Variants in COX14 observed in about 807,000 individuals in gnomAD.
COX14 encodes the protein cytochrome c oxidase assembly factor COX14.
In COX14, 3 loss-of-function variants were observed where a neutral mutation model predicts 5.8. The ratio of observed to expected loss-of-function variants is 0.51; its 90% CI spans 0.23 to 1.33. COX14 has a LOEUF of 1.33. COX14 is among the 40% of genes most tolerant of loss of function. The probability of loss-of-function intolerance (pLI) is 0.18; values close to 1 mark genes in which losing one functional copy is unlikely to be tolerated. For synonymous variants in COX14, 25 were observed against 26.1 expected (o/e 0.96, Z 0.13); for missense variants, 72 against 72.1 (o/e 1.00, Z 0.01).
At chr12:50,118,584 G>A (rs1592311472) in intron 1 of COX14, 2 of 203,558 alleles carry the variant, frequency 9.8e-6, no homozygotes, top group Non-Finnish European at 1.7e-5. Context: ...TGGCTAACAC[G>A]GTGAAACCCC....
chr12:50,120,407 A>C lies in COX14; in HGVS notation c.*190A>C. Reference sequence around the variant, plus strand: ...TGGAGGCTTTTGAATCGTAATAGCAATGTGAGGGTGAGGTACACCTACAGA... The same window carrying C: ...TGGAGGCTTTTGAATCGTAATAGCACTGTGAGGGTGAGGTACACCTACAGA... On this transcript the variant is annotated 3_prime_UTR_variant, in exon 2 of 2. Coordinates refer to ENST00000550487, the MANE Select transcript of COX14 (RefSeq NM_032901.4). 1 of 574,058 alleles carries C rather than the reference A, an allele frequency of 1.7e-6. No homozygotes were observed. Among genetic ancestry groups the C allele is most frequent in the South Asian group, 2.3e-5 (1 of 42,640 alleles). The allele number at this position is 574,058 out of a possible 1,614,324, so 35.6% of individuals were successfully genotyped here.
At chr12:50,115,217 ATT>A (rs879659328) in intron 1 of COX14, among the ~76,000 whole-genome samples, 6 of 132,138 alleles carry the variant, frequency 4.5e-5, no homozygotes, top group Admixed American at 1.5e-4. Context: ...GAGCATCTTA[ATT>A]TTTTTTTTTT....
chr12:50,119,899 C>T (rs991850842), intron 1 of COX14, 137 bp from the exon 2 acceptor site: 1 of 676,074 alleles, frequency 1.5e-6, no homozygotes, highest in Non-Finnish European at 2.6e-6. Context: ...GAGACTTTAC[C>T]TAGACATAGG....
At chr12:50,118,023 G>A (rs1015598881) in intron 1 of COX14, among the ~76,000 whole-genome samples, 1 of 148,870 alleles carries the variant, frequency 6.7e-6, no homozygotes, top group African/African-American at 2.5e-5. Context: ...GATTACAGGC[G>A]TGAGCCACCA....
intron 1 of COX14, chr12:50,112,567 C>T (rs1324369438): frequency 8.4e-6 from 6 of 716,708 alleles, no homozygotes; most frequent in East Asian, 2.6e-4. Flanking sequence ...CGACCCTCCA[C>T]GCTCCAACTC....
Position 50,120,182 on chromosome 12 carries a change from G to A in COX14, c.139G>A (p.Ala47Thr). 3.1e-6 allele frequency: 5 copies of A among 1,614,178 alleles called. No homozygotes were observed. The highest frequency in any genetic ancestry group is 1.1e-5 in the South Asian group (1 of 91,078). ...CCAGTGGCGCAGGGCCCAGCGCCAG[G>A]CCGCAGAAGAACAGAAGACCTCAGG... Reference protein sequence around the residue: ...YFQWRRAQRQAAEEQKTSGIM With the variant: ...YFQWRRAQRQTAEEQKTSGIM Residue 47 changes from alanine (A) to threonine (T), a missense_variant, in exon 2 of 2, where the codon GCC (alanine) becomes ACC (threonine). Ala to Thr is a moderately conservative substitution (Grantham distance 58). Transcript: ENST00000550487.
intron 1 of COX14, among the ~76,000 whole-genome samples, chr12:50,117,613 C>T (rs1400405177): frequency 1.4e-5 from 2 of 146,280 alleles, no homozygotes; most frequent in Non-Finnish European, 3.0e-5. Context: ...GTGTCTCACT[C>T]TGTTGCCCAG....
intron 1 of COX14, among the ~76,000 whole-genome samples, chr12:50,119,276 C>T: frequency 6.6e-6 from 1 of 152,194 alleles, no homozygotes; most frequent in Non-Finnish European, 1.5e-5. Flanking sequence ...TGGATATTGC[C>T]TGAAAGGTTC....
chr12:50,114,409 G>A (rs1414675602), intron 1 of COX14, among the ~76,000 whole-genome samples: 2 of 151,642 alleles, frequency 1.3e-5, no homozygotes, highest in African/African-American at 2.4e-5. Context: ...GCCACCCCAC[G>A]CCTGGCTAAT....
intron 1 of COX14, among the ~76,000 whole-genome samples, chr12:50,114,038 G>A (rs1392429764): frequency 2.6e-5 from 4 of 151,552 alleles, no homozygotes; most frequent in African/African-American, 9.7e-5. Context: ...CGTTGGCTCA[G>A]GCAAGCCTCC....
intron 1 of COX14, among the ~76,000 whole-genome samples, chr12:50,116,236 G>T (rs1951079894): frequency 1.3e-5 from 2 of 151,978 alleles, no homozygotes; most frequent in Admixed American, 1.3e-4. Context: ...GGGGCTACAG[G>T]CATCCGCCAC....
At chr12:50,118,970 C>G (rs1475096500) in intron 1 of COX14, among the ~76,000 whole-genome samples, 5 of 152,124 alleles carry the variant, frequency 3.3e-5, no homozygotes, top group African/African-American at 4.8e-5. Context: ...ACTAAACTTT[C>G]TCTTGTTTCC....
intron 1 of COX14, among the ~76,000 whole-genome samples, chr12:50,117,581 C>CTTT (rs397850921): frequency 1.2e-4 from 16 of 134,704 alleles, no homozygotes; most frequent in African/African-American, 3.9e-4. Context: ...TTTTCTGTCT[C>CTTT]TTTTTTTTTT....
Position 50,114,253 on chromosome 12 carries a change from A to AT in COX14, c.-9+1965dup, listed in dbSNP as rs1274771005. Among the ~76,000 whole-genome samples, 221 of 142,106 alleles carry AT rather than the reference A, an allele frequency of 1.6e-3. 1 individual carries two copies. The highest frequency in any genetic ancestry group is 7.5e-3 in the Middle Eastern group (2 of 268). 93.2% of individuals were successfully genotyped at this position (142,106 alleles called of 152,430 possible). On this transcript the variant is annotated intron_variant, in intron 1 of 1. Coordinates refer to ENST00000550487, the MANE Select transcript of COX14 (RefSeq NM_032901.4). ...AAAAAAAAAAACAGGTGTTTCTGGA[A>AT]TTTTTTTTTTTTTGAGGGGTGGAGT...
At chr12:50,119,920 T>C in intron 1 of COX14, 116 bp from the exon 2 acceptor site, 1 of 783,176 alleles carries the variant, frequency 1.3e-6, no homozygotes, top group South Asian at 1.4e-5. Flanking sequence ...GGCCATTCAG[T>C]ATAGAGTGCA....
At chr12:50,119,751 A>T (rs1195648800) in intron 1 of COX14, among the ~76,000 whole-genome samples, 1 of 152,212 alleles carries the variant, frequency 6.6e-6, no homozygotes, top group Non-Finnish European at 1.5e-5. Flanking sequence ...TTCTGTCCAC[A>T]GGCATGGAAG....
chr12:50,117,073 G>A (rs918120476), intron 1 of COX14, among the ~76,000 whole-genome samples: 1 of 152,034 alleles, frequency 6.6e-6, no homozygotes, highest in Admixed American at 6.6e-5. Flanking sequence ...GCAGTGGTAC[G>A]ATCTCAGCTC....
chr12:50,119,866 A>G (rs989906352), intron 1 of COX14, among the ~76,000 whole-genome samples, 170 bp from the exon 2 acceptor site: 8 of 152,190 alleles, frequency 5.3e-5, no homozygotes, highest in Non-Finnish European at 1.2e-4. Flanking sequence ...GAGTTCCTAA[A>G]TGATATCTTC....
intron 1 of COX14, among the ~76,000 whole-genome samples, chr12:50,114,220 A>G (rs1286031843): frequency 5.7e-5 from 3 of 52,792 alleles, no homozygotes; most frequent in Non-Finnish European, 9.7e-5. Context: ...TAGTTAAATG[A>G]AAAAAAAAAA....
Sources: allele counts gnomAD v4.1 joint callset (sites outside exome capture counted in the v4.1 genomes callset), GRCh38; gene constraint gnomAD v4.1.1; transcripts MANE v1.5; gene names NCBI Gene and HGNC (gene_info 2026-07-23, HGNC 2026-07-21).